FBXO34: variants seen among roughly 807,000 people sequenced by gnomAD.
FBXO34 encodes F-box protein 34.
A neutral mutation model predicts 24.5 loss-of-function variants in FBXO34; 12 were observed. The ratio of observed to expected loss-of-function variants is 0.49; its 90% CI spans 0.31 to 0.79. The LOEUF (loss-of-function observed/expected upper bound fraction) is 0.79. FBXO34 is among the 30% of genes least tolerant of loss of function. The probability of loss-of-function intolerance (pLI) is 0.04; values close to 1 mark genes in which losing one functional copy is unlikely to be tolerated. For missense variants in FBXO34, 823 were observed against 857.7 expected, an observed-to-expected ratio of 0.96 and a Z score of 0.51; for synonymous variants, 320 against 311.9, an observed-to-expected ratio of 1.03 and a Z score of -0.27.
chr14:55,426,259 C>T, the FBXO34 span, among the ~76,000 whole-genome samples: 3 of 145,396 alleles, frequency 2.1e-5, no homozygotes, highest in Admixed American at 2.1e-4. Flanking sequence ...AAGAGCAAAA[C>T]TCCATCTCAA....
chr14:55,401,451 A>T, the FBXO34 span, among the ~76,000 whole-genome samples: 1 of 152,106 alleles, frequency 6.6e-6, no homozygotes, highest in Non-Finnish European at 1.5e-5. Flanking sequence ...TTCTGAAAGA[A>T]ATCTGCCAGT....
At chr14:55,381,722 T>C in the FBXO34 span, among the ~76,000 whole-genome samples, 4 of 152,056 alleles carry the variant, frequency 2.6e-5, no homozygotes, top group Non-Finnish European at 5.9e-5. Context: ...CAGAAAGCAA[T>C]GTGTGGTTGC....
At chr14:55,367,354 ACT>A (rs757672609) in exon 3 of FBXO34, 1 of 152,164 alleles carries the variant, frequency 6.6e-6, no homozygotes, top group East Asian at 1.9e-4. Context: ...TACCATCTTC[ACT>A]CTCTACGAAC....
At chr14:55,280,590 G>A (rs1336515957) in intron 1 of FBXO34, among the ~76,000 whole-genome samples, 1 of 145,952 alleles carries the variant, frequency 6.9e-6, no homozygotes, top group Non-Finnish European at 1.5e-5. Context: ...GCAGTGGCGC[G>A]ATCTTGGTTC....
the FBXO34 span, among the ~76,000 whole-genome samples, chr14:55,378,253 T>C: frequency 6.6e-6 from 1 of 152,210 alleles, no homozygotes; most frequent in Non-Finnish European, 1.5e-5. Context: ...TTATACTGCA[T>C]CTATACAAAT....
chr14:55,439,372 G>T, the FBXO34 span, among the ~76,000 whole-genome samples: 1 of 151,914 alleles, frequency 6.6e-6, no homozygotes, highest in South Asian at 2.1e-4. Flanking sequence ...CTAGAGGGAG[G>T]CCTAGTACTG....
At chr14:55,338,301 G>A (rs1438614596) in intron 1 of FBXO34, among the ~76,000 whole-genome samples, 1 of 151,524 alleles carries the variant, frequency 6.6e-6, no homozygotes, top group Non-Finnish European at 1.5e-5. Context: ...TGCCCGCCTC[G>A]GCCTCCCAAA....
At chr14:55,299,110 T>G (rs1882250070) in intron 1 of FBXO34, 1 of 1,318,522 alleles carries the variant, frequency 7.6e-7, no homozygotes, top group Admixed American at 1.7e-5. Context: ...ATGGCGGAAT[T>G]AGAAGAACTA....
intron 1 of FBXO34, chr14:55,298,743 C>T: frequency 6.4e-7 from 1 of 1,571,154 alleles, no homozygotes; most frequent in Non-Finnish European, 8.7e-7. Flanking sequence ...AAGCAAGAAA[C>T]AGGAGTTCCT....
the FBXO34 span, among the ~76,000 whole-genome samples, chr14:55,404,683 G>A: frequency 2.0e-5 from 3 of 152,092 alleles, no homozygotes; most frequent in African/African-American, 7.2e-5. Flanking sequence ...GCCTCTCCAG[G>A]GTTAATCCCA....
chr14:55,411,658 G>C, the FBXO34 span: 1 of 1,613,464 alleles, frequency 6.2e-7, no homozygotes, highest in Non-Finnish European at 8.5e-7. Context: ...CGCATTTGGC[G>C]CAGGTCAGCC....
chr14:55,403,657 A>G, the FBXO34 span, among the ~76,000 whole-genome samples: 1 of 152,206 alleles, frequency 6.6e-6, no homozygotes, highest in Non-Finnish European at 1.5e-5. Flanking sequence ...ACGTTTAGGT[A>G]TGTTAAATGA....
intron 1 of FBXO34, among the ~76,000 whole-genome samples, chr14:55,342,194 A>G (rs1005367698): frequency 1.3e-5 from 2 of 152,214 alleles, no homozygotes; most frequent in African/African-American, 4.8e-5. Flanking sequence ...CATTTGGTCA[A>G]TATTATAGAT....
At chr14:55,384,237 T>C in the FBXO34 span, among the ~76,000 whole-genome samples, 1 of 152,258 alleles carries the variant, frequency 6.6e-6, no homozygotes, top group Admixed American at 6.5e-5. Flanking sequence ...ATAGTTTTTC[T>C]TCATATTTTC....
intron 1 of FBXO34, among the ~76,000 whole-genome samples, chr14:55,320,985 A>G (rs189169727): frequency 1.3e-5 from 2 of 152,312 alleles, no homozygotes; most frequent in Admixed American, 6.5e-5. Context: ...TAATTTTGTT[A>G]TAGTTTTCTT....
chr14:55,406,524 T>C, the FBXO34 span, among the ~76,000 whole-genome samples: 2 of 152,216 alleles, frequency 1.3e-5, no homozygotes, highest in Admixed American at 6.5e-5. Flanking sequence ...TCAAGGCCTA[T>C]TGACAGTCGG....
At chr14:55,365,073 AAAAAAG>A (rs1884650472), downstream of FBXO34, among the ~76,000 whole-genome samples, 1 of 150,692 alleles carries the variant, frequency 6.6e-6, no homozygotes, top group South Asian at 2.1e-4. Context: ...AAAAAAAAAA[AAAAAAG>A]CCAGGTGTGG....
intron 1 of FBXO34, among the ~76,000 whole-genome samples, chr14:55,331,687 G>A (rs183529037): frequency 0.033 from 931 of 28,348 alleles, 91 homozygotes; most frequent in African/African-American, 0.14. Context: ...ATATATATGT[G>A]TATATATATA....
rs969708905 is a variant in FBXO34 at position 55,352,866 on chromosome 14, T to G, written c.*340T>G. On this transcript the variant is annotated 3_prime_UTR_variant, in exon 2 of 2. Transcript: ENST00000313833. ...ATTCAGAAGAGTTCACTGCAGATGC[T>G]GCAGGTAGTCCTCAAAAATGGGTTC... 6 of 218,482 alleles carry G rather than the reference T, an allele frequency of 2.7e-5. No individual in the cohort carries two copies. Among genetic ancestry groups the G allele is most frequent in the African/African-American group, 1.4e-4 (6 of 43,336 alleles). 13.5% of individuals were successfully genotyped at this position (218,482 alleles called of 1,614,324 possible). A position where few individuals can be genotyped will look rare whatever the true frequency, so the allele number is the denominator to read the frequency against.
Sources: allele counts gnomAD v4.1 joint callset (sites outside exome capture counted in the v4.1 genomes callset), GRCh38; gene constraint gnomAD v4.1.1; transcripts MANE v1.5; gene names NCBI Gene and HGNC (gene_info 2026-07-23, HGNC 2026-07-21).